The following CLASP1 variants were observed in gnomAD, a reference collection of about 807,000 sequenced individuals.
CLASP1 encodes the protein CLIP-associating protein 1.
A neutral mutation model predicts 192.3 loss-of-function variants in CLASP1; 38 were observed. That is an observed-to-expected ratio of 0.20 (90% CI 0.15 to 0.26). CLASP1 has a LOEUF of 0.26. Ranked by LOEUF, CLASP1 falls within the 10% of genes least tolerant of loss-of-function variation. The probability of loss-of-function intolerance (pLI) is 1.00; values close to 1 mark genes in which losing one functional copy is unlikely to be tolerated. For synonymous variants in CLASP1, 691 were observed against 712.8 expected, an observed-to-expected ratio of 0.97 and a Z score of 0.49; for missense variants, 1,433 against 1,932.5, an observed-to-expected ratio of 0.74 and a Z score of 4.85.
exon 2 of CLASP1, chr2:121,606,086 G>A: frequency 1.7e-6 from 1 of 583,278 alleles, no homozygotes; most frequent in African/African-American, 1.9e-5. Context: ...GATATTAAAA[G>A]TCCAATTTAA....
chr2:121,451,683 C>T (rs531183731), intron 15 of CLASP1, 107 bp downstream of exon 15: 38 of 787,816 alleles, frequency 4.8e-5, no homozygotes, highest in Non-Finnish European at 7.1e-5. Flanking sequence ...TGAAAACAAA[C>T]GCATATATTC....
At chr2:121,476,523 T>C (rs1370829290) in intron 8 of CLASP1, among the ~76,000 whole-genome samples, 2 of 152,178 alleles carry the variant, frequency 1.3e-5, no homozygotes, top group East Asian at 1.9e-4. Flanking sequence ...TAAACACTCA[T>C]CTATAACGAC....
At chr2:121,479,215 A>G (rs563175357) in intron 8 of CLASP1, among the ~76,000 whole-genome samples, 2 of 152,248 alleles carry the variant, frequency 1.3e-5, no homozygotes, top group South Asian at 4.1e-4. Flanking sequence ...AAAAAAAAAA[A>G]GCATGCAGAC....
intron 6 of CLASP1, among the ~76,000 whole-genome samples, chr2:121,518,739 T>C (rs2094387256): frequency 6.6e-6 from 1 of 150,926 alleles, no homozygotes; most frequent in Non-Finnish European, 1.5e-5. Context: ...TAGCTGGGCA[T>C]GGCGGCGAGC....
intron 8 of CLASP1, among the ~76,000 whole-genome samples, chr2:121,479,631 T>C (rs1489653456): frequency 6.6e-6 from 1 of 152,224 alleles, no homozygotes; most frequent in African/African-American, 2.4e-5. Flanking sequence ...ACTGTCTGAA[T>C]TGAATGGCTG....
chr2:121,478,821 A>C (rs1227163857), intron 8 of CLASP1, among the ~76,000 whole-genome samples: 1 of 4,630 alleles, frequency 2.2e-4, no homozygotes, highest in Non-Finnish European at 6.3e-4. Context: ...CCCCACACAC[A>C]ACCACACACC....
At chr2:121,524,170 T>G (rs1048759719) in intron 6 of CLASP1, among the ~76,000 whole-genome samples, 3 of 152,216 alleles carry the variant, frequency 2.0e-5, no homozygotes, top group African/African-American at 7.2e-5. Context: ...AGTCAGCAAC[T>G]GAATGAGGAG....
intron 10 of CLASP1, among the ~76,000 whole-genome samples, chr2:121,461,715 C>CT (rs2149882530): frequency 6.6e-6 from 1 of 152,288 alleles, no homozygotes; most frequent in East Asian, 1.9e-4. Context: ...GGGAATCACT[C>CT]TGTCGCCCAG....
At chr2:121,469,773 C>A in intron 9 of CLASP1, 35 bp downstream of exon 9, 1 of 1,575,006 alleles carries the variant, frequency 6.3e-7, no homozygotes, top group Non-Finnish European at 8.6e-7. Context: ...GCTGGCATAG[C>A]TGACCCCAGA....
intron 6 of CLASP1, among the ~76,000 whole-genome samples, chr2:121,516,049 A>G (rs539330419): frequency 1.3e-5 from 2 of 152,344 alleles, no homozygotes; most frequent in Admixed American, 1.3e-4. Context: ...GGAAAACTGG[A>G]ATTTTCAGAC....
chr2:121,463,022 T>C (rs1204230454), intron 9 of CLASP1, among the ~76,000 whole-genome samples: 2 of 152,202 alleles, frequency 1.3e-5, no homozygotes, highest in Non-Finnish European at 2.9e-5. Flanking sequence ...AAACAAGTCC[T>C]AAATAATTTC....
chr2:121,425,274 A>G (rs766455142), exon 22 of CLASP1: 5 of 1,612,582 alleles, frequency 3.1e-6, no homozygotes, highest in African/African-American at 2.7e-5. Flanking sequence ...CCACTTCCCA[A>G]CAATTTTCCT....
At chr2:121,586,754 T>C (rs1294745709) in intron 2 of CLASP1, among the ~76,000 whole-genome samples, 6 of 152,208 alleles carry the variant, frequency 3.9e-5, no homozygotes, top group East Asian at 3.8e-4. Flanking sequence ...CTTCATTGTA[T>C]ATGAAGAGCT....
chr2:121,360,079 G>A (rs1157496939), intron 37 of CLASP1, among the ~76,000 whole-genome samples: 4 of 152,096 alleles, frequency 2.6e-5, no homozygotes, highest in Non-Finnish European at 5.9e-5. Flanking sequence ...GTCCTTCCTC[G>A]CTGCAGTCAC....
intron 7 of CLASP1, among the ~76,000 whole-genome samples, chr2:121,509,059 A>G (rs774169878): frequency 6.6e-6 from 1 of 152,254 alleles, no homozygotes; most frequent in Non-Finnish European, 1.5e-5. Flanking sequence ...CAATATGTAC[A>G]TTCCTTAATG....
intron 1 of CLASP1, among the ~76,000 whole-genome samples, chr2:121,641,938 T>A (rs2072161093): frequency 6.7e-6 from 1 of 149,670 alleles, no homozygotes; most frequent in African/African-American, 2.5e-5. Flanking sequence ...GGTGGGAGGA[T>A]CACTGAGCCC....
intron 2 of CLASP1, among the ~76,000 whole-genome samples, chr2:121,573,013 G>A (rs1187414243): frequency 5.3e-5 from 8 of 152,186 alleles, no homozygotes; most frequent in Admixed American, 5.2e-4. Flanking sequence ...AGGCTAGAGT[G>A]CAGTGGTACA....
chr2:121,596,557 C>T (rs1358189179), intron 2 of CLASP1, among the ~76,000 whole-genome samples: 3 of 152,178 alleles, frequency 2.0e-5, no homozygotes, highest in Non-Finnish European at 4.4e-5. Context: ...TCCTCCTGCC[C>T]ATAAACACAC....
chr2:121,460,399 T>C (rs907948577), intron 11 of CLASP1, among the ~76,000 whole-genome samples: 6 of 152,174 alleles, frequency 3.9e-5, no homozygotes, highest in Non-Finnish European at 7.4e-5. Context: ...TCTTAAAGTA[T>C]TTATAGATCC....
Sources: allele counts gnomAD v4.1 joint callset (sites outside exome capture counted in the v4.1 genomes callset), GRCh38; gene constraint gnomAD v4.1.1; transcripts MANE v1.5; gene names NCBI Gene and HGNC (gene_info 2026-07-23, HGNC 2026-07-21).